NAV3: variants seen among roughly 807,000 people sequenced by gnomAD.
NAV3 encodes pore membrane and/or filament interacting like protein 1.
NAV3 carries 87 observed loss-of-function variants against 244.7 expected under a neutral mutation model. The ratio of observed to expected loss-of-function variants is 0.36; its 90% CI spans 0.30 to 0.42. NAV3 has a LOEUF of 0.42. NAV3 is among the 20% of genes least tolerant of loss of function. NAV3 has a pLI of 1.00. For missense variants in NAV3, 2,663 were observed against 2,893.3 expected (o/e 0.92, Z 1.83); for synonymous variants, 1,126 against 1,042.2 (o/e 1.08, Z -1.55).
intron 12 of NAV3, among the ~76,000 whole-genome samples, chr12:78,063,882 C>T (rs1444656815): frequency 6.6e-6 from 1 of 152,064 alleles, no homozygotes; most frequent in African/African-American, 2.4e-5. Context: ...AGACGAGAGA[C>T]AAAGGACCTG....
At chr12:77,573,179 T>C (rs1868912376) in intron 2 of NAV3, among the ~76,000 whole-genome samples, 1 of 152,180 alleles carries the variant, frequency 6.6e-6, no homozygotes, top group South Asian at 2.1e-4. Context: ...GCTTTGTTTT[T>C]ACATCAGTCT....
chr12:77,845,143 A>G (rs972163261), intron 1 of NAV3, among the ~76,000 whole-genome samples: 2 of 152,208 alleles, frequency 1.3e-5, no homozygotes, highest in Non-Finnish European at 2.9e-5. Flanking sequence ...GTATATATAT[A>G]TATGATATTC....
intron 2 of NAV3, among the ~76,000 whole-genome samples, chr12:77,676,150 A>G (rs1874195973): frequency 6.6e-6 from 1 of 152,030 alleles, no homozygotes; most frequent in South Asian, 2.1e-4. Flanking sequence ...AAATAGGTAT[A>G]CATGTGCCAT....
chr12:78,151,580 C>T (rs1313366283), intron 22 of NAV3, among the ~76,000 whole-genome samples: 1 of 151,676 alleles, frequency 6.6e-6, no homozygotes, highest in Non-Finnish European at 1.5e-5. Flanking sequence ...CCAGAAATGG[C>T]AAAATTAAAG....
In NAV3 at chr12:77,968,563, A is replaced by C. The variant is rs1360552817; in HGVS notation, c.532A>C (p.Ser178Arg). The change falls in exon 5 of 40, where the codon AGT becomes CGT. Residue 178 changes from serine (S) to arginine (R), a missense_variant. By Grantham distance (110) the Ser-to-Arg change is moderately radical. Around this residue, in one of 6 missense-constraint regions of NAV3, gnomAD observed 1,521 missense variants for 1,497.0 expected, o/e 1.02. Transcript: ENST00000397909. ...NLKAILGLFF[S>R]LSRYKQQQHH... ...AAAAGCCATTCTAGGGCTGTTTTTC[A>C]GTTTATCTCGCTACAAGCAGCAACA... The C allele has an allele frequency of 1.9e-6, 3 of 1,613,918 alleles. No individual in the cohort carries two copies. Among genetic ancestry groups the C allele is most frequent in the African/African-American group, 2.7e-5 (2 of 74,924 alleles).
intron 1 of NAV3, among the ~76,000 whole-genome samples, chr12:77,921,318 A>G (rs552179689): frequency 6.6e-6 from 1 of 152,090 alleles, no homozygotes; most frequent in East Asian, 1.9e-4. Flanking sequence ...CGACTGTGAA[A>G]TAGTTCATGA....
At chr12:78,050,181 C>A in intron 10 of NAV3, 80 bp downstream of exon 10, 1 of 951,442 alleles carries the variant, frequency 1.1e-6, no homozygotes, top group Non-Finnish European at 1.6e-6. Flanking sequence ...CTTATAATGA[C>A]AGAGATGGGA....
At chr12:77,865,460 G>A (rs912746619) in intron 1 of NAV3, among the ~76,000 whole-genome samples, 1 of 151,942 alleles carries the variant, frequency 6.6e-6, no homozygotes, top group African/African-American at 2.4e-5. Flanking sequence ...AGAATTTGAG[G>A]TTCTTTTAAA....
chr12:77,901,557 A>G (rs1592945532), intron 1 of NAV3, among the ~76,000 whole-genome samples: 1 of 152,166 alleles, frequency 6.6e-6, no homozygotes, highest in East Asian at 1.9e-4. Flanking sequence ...TAAAAATACA[A>G]AAATTAACCA....
intron 2 of NAV3, among the ~76,000 whole-genome samples, chr12:77,706,722 T>A (rs917439830): frequency 2.0e-5 from 3 of 149,264 alleles, no homozygotes; most frequent in African/African-American, 7.6e-5. Flanking sequence ...TACAAAAAAA[T>A]TAGCAGGGCG....
chr12:77,673,386 T>G (rs571507663), intron 2 of NAV3, among the ~76,000 whole-genome samples: 19 of 152,252 alleles, frequency 1.2e-4, no homozygotes, highest in Admixed American at 3.9e-4. Flanking sequence ...TAATTTCTTC[T>G]TATTCACTGA....
chr12:78,197,430 A>T, intron 35 of NAV3, 29 bp downstream of exon 35: 1 of 1,492,428 alleles, frequency 6.7e-7, no homozygotes. Flanking sequence ...CTGAATAATG[A>T]AATATGAAAT....
At chr12:77,643,066 A>C (rs1273969124) in intron 2 of NAV3, among the ~76,000 whole-genome samples, 1 of 151,856 alleles carries the variant, frequency 6.6e-6, no homozygotes, top group Non-Finnish European at 1.5e-5. Context: ...GACAATCTTC[A>C]AATAATCTGT....
chr12:78,111,596 A>G (rs1386247645), intron 12 of NAV3, among the ~76,000 whole-genome samples: 6 of 152,178 alleles, frequency 3.9e-5, no homozygotes, highest in Non-Finnish European at 8.8e-5. Context: ...GAGACTGACA[A>G]TACCAAGTAT....
chr12:77,986,459 A>G (rs530627338), intron 5 of NAV3, among the ~76,000 whole-genome samples: 2 of 152,332 alleles, frequency 1.3e-5, no homozygotes, highest in South Asian at 2.1e-4. Flanking sequence ...TCAAATACCA[A>G]CTTCCTCAGC....
At chr12:77,804,790 C>A (rs1183917704) in intron 2 of NAV3, among the ~76,000 whole-genome samples, 2 of 151,976 alleles carry the variant, frequency 1.3e-5, no homozygotes, top group East Asian at 3.9e-4. Context: ...GATATTGATT[C>A]TTCCTGTCCA....
At chr12:77,654,014 C>G (rs534406262) in intron 2 of NAV3, among the ~76,000 whole-genome samples, 2 of 152,174 alleles carry the variant, frequency 1.3e-5, no homozygotes, top group Non-Finnish European at 2.9e-5. Flanking sequence ...TCTACAGCTC[C>G]CAGCATGAGC....
intron 26 of NAV3, 115 bp downstream of exon 26, chr12:78,176,574 ATGTCTTTTCTTTG>A: frequency 1.1e-6 from 1 of 933,142 alleles, no homozygotes; most frequent in Non-Finnish European, 1.6e-6. Flanking sequence ...ATTACCTTGT[ATGTCTTTTCTTTG>A]TGTCTTTTCA....
chr12:77,961,550 A>G (rs1057143946), intron 3 of NAV3, among the ~76,000 whole-genome samples: 4 of 144,430 alleles, frequency 2.8e-5, no homozygotes, highest in Non-Finnish European at 6.0e-5. Context: ...CTGTATATGT[A>G]ATATATATTA....
Sources: gnomAD v4.1 joint callset for allele counts (sites outside exome capture counted in the v4.1 genomes callset) on GRCh38, gnomAD v4.1.1 for gene constraint, gnomAD v4.1.1 regional missense constraint, MANE v1.5 for transcripts, NCBI Gene and HGNC (gene_info 2026-07-23, HGNC 2026-07-21) for gene names.